FBXL17: variants seen among roughly 807,000 people sequenced by gnomAD.
FBXL17 encodes F-box/LRR-repeat protein 17.
In FBXL17, 22 loss-of-function variants were observed where a neutral mutation model predicts 66.2. The ratio of observed to expected loss-of-function variants is 0.33; its 90% confidence interval spans 0.24 to 0.47. The LOEUF (loss-of-function observed/expected upper bound fraction) is 0.47, where lower values mean the gene tolerates loss of function less well. Ranked by LOEUF, FBXL17 falls within the 20% of genes least tolerant of loss-of-function variation. The pLI, the probability that FBXL17 is intolerant of heterozygous loss-of-function variation, is 1.00. For synonymous variants in FBXL17, 474 were observed against 400.5 expected (o/e 1.18, Z -2.19); for missense variants, 878 against 948.2 (o/e 0.93, Z 0.97).
intron 5 of FBXL17, 35 bp from the exon 6 acceptor site, chr5:108,186,282 T>A (rs1178255351): frequency 6.3e-7 from 1 of 1,588,750 alleles, no homozygotes; most frequent in Non-Finnish European, 8.6e-7. Context: ...ATGAAAAAGG[T>A]AAATGCTACA....
chr5:108,081,957 G>C (rs904488571), intron 6 of FBXL17, among the ~76,000 whole-genome samples: 2 of 152,092 alleles, frequency 1.3e-5, no homozygotes, highest in African/African-American at 4.8e-5. Context: ...AGTTCATCAA[G>C]AAGGAAAGAG....
intron 4 of FBXL17, among the ~76,000 whole-genome samples, chr5:108,266,475 C>G (rs1225611155): frequency 6.6e-6 from 1 of 152,118 alleles, no homozygotes; most frequent in East Asian, 1.9e-4. Flanking sequence ...CAGTGGCTGG[C>G]TCAGTTATCA....
At position 108,039,736 on chromosome 5, in the gene FBXL17, C is replaced by A. The variant is rs149712148; in HGVS notation, c.1746-18735G>T. 2.5e-3 allele frequency among the ~76,000 whole-genome samples: 374 copies of A among 152,118 alleles called. 2 individuals carry two copies. The highest frequency in any genetic ancestry group is 7.5e-3 in the African/African-American group (312 of 41,516). ...GGGACAACAGCAAATTCACAGAAGG[C>A]TACCCAAATCCTGACCATTAAAGTA... On this transcript the variant is annotated intron_variant, in intron 6 of 8. Transcript: ENST00000542267.
intron 7 of FBXL17, among the ~76,000 whole-genome samples, chr5:107,936,390 A>G (rs1750909525): frequency 6.6e-6 from 1 of 152,000 alleles, no homozygotes; most frequent in Non-Finnish European, 1.5e-5. Flanking sequence ...TTACTGTTAA[A>G]TGGGGTCAAA....
At chr5:108,380,406 T>C (rs1749761817) in intron 1 of FBXL17, among the ~76,000 whole-genome samples, 2 of 152,214 alleles carry the variant, frequency 1.3e-5, no homozygotes, top group Non-Finnish European at 2.9e-5. Flanking sequence ...TTCCACAGAA[T>C]ACCTGCGAAG....
At chr5:108,370,262 A>C (rs532540620) in intron 1 of FBXL17, among the ~76,000 whole-genome samples, 3 of 152,320 alleles carry the variant, frequency 2.0e-5, no homozygotes. Context: ...GCTATTAGTC[A>C]AGGATTTGTT....
intron 7 of FBXL17, 25 bp downstream of exon 7, chr5:108,020,900 A>T: frequency 6.7e-7 from 1 of 1,502,850 alleles, no homozygotes; most frequent in Non-Finnish European, 9.3e-7. Context: ...CTTAGAAAGG[A>T]TTAGGAAAAT....
intron 7 of FBXL17, among the ~76,000 whole-genome samples, chr5:107,938,212 G>A (rs1446008816): frequency 3.3e-5 from 5 of 151,916 alleles, no homozygotes; most frequent in South Asian, 2.1e-4. Context: ...AATGTAAGCC[G>A]GATGAGTGTT....
At chr5:108,236,651 A>C (rs1755617210) in intron 4 of FBXL17, among the ~76,000 whole-genome samples, 1 of 152,234 alleles carries the variant, frequency 6.6e-6, no homozygotes, top group Non-Finnish European at 1.5e-5. Context: ...TTGAGACCTC[A>C]AGACCAATTC....
At chr5:108,121,017 A>C (rs1280586320) in intron 6 of FBXL17, among the ~76,000 whole-genome samples, 1 of 152,238 alleles carries the variant, frequency 6.6e-6, no homozygotes, top group African/African-American at 2.4e-5. Flanking sequence ...ATTTCTAAGT[A>C]AACAGGCTAT....
At chr5:108,212,883 G>A (rs541638564) in intron 5 of FBXL17, among the ~76,000 whole-genome samples, 1 of 152,220 alleles carries the variant, frequency 6.6e-6, no homozygotes, top group East Asian at 1.9e-4. Context: ...TGTCAGGCAG[G>A]AACATTTAAG....
At chr5:108,171,553 C>A (rs1287762306) in intron 6 of FBXL17, among the ~76,000 whole-genome samples, 1 of 152,158 alleles carries the variant, frequency 6.6e-6, no homozygotes, top group African/African-American at 2.4e-5. Flanking sequence ...ATATAAAATT[C>A]CCCACATAGG....
intron 5 of FBXL17, among the ~76,000 whole-genome samples, chr5:108,188,928 C>A (rs1753348018): frequency 6.6e-6 from 1 of 152,036 alleles, no homozygotes; most frequent in African/African-American, 2.4e-5. Context: ...ACTTTTCTGA[C>A]CTCACTAGAA....
chr5:108,378,627 G>A (rs1035336272), intron 1 of FBXL17, among the ~76,000 whole-genome samples: 41 of 152,112 alleles, frequency 2.7e-4, no homozygotes, highest in Admixed American at 1.3e-4. Context: ...GCTCTACCGT[G>A]GCTCCAACAG....
At chr5:108,344,217 C>T (rs1349418930) in intron 4 of FBXL17, among the ~76,000 whole-genome samples, 3 of 152,186 alleles carry the variant, frequency 2.0e-5, no homozygotes, top group Middle Eastern at 3.4e-3. Context: ...TTTGATCCTA[C>T]ATCATTCATG....
chr5:108,306,152 C>T (rs189904375), intron 4 of FBXL17, among the ~76,000 whole-genome samples: 50 of 152,068 alleles, frequency 3.3e-4, no homozygotes, highest in African/African-American at 1.0e-3. Flanking sequence ...AAATTTTATA[C>T]ATTTTCTTGA....
At chr5:108,022,923 G>A (rs1324086400) in intron 6 of FBXL17, among the ~76,000 whole-genome samples, 3 of 151,984 alleles carry the variant, frequency 2.0e-5, no homozygotes, top group Admixed American at 6.6e-5. Flanking sequence ...AGGTTTCCCC[G>A]CTATTCACAG....
At chr5:108,218,016 C>CTTTTTT (rs752575685) in intron 5 of FBXL17, among the ~76,000 whole-genome samples, 1 of 120,132 alleles carries the variant, frequency 8.3e-6, no homozygotes, top group Admixed American at 8.4e-5. Flanking sequence ...AATTTTTTTT[C>CTTTTTT]TTTTTTTTTT....
At chr5:108,282,773 T>TA (rs144591171) in intron 4 of FBXL17, among the ~76,000 whole-genome samples, 1 of 151,186 alleles carries the variant, frequency 6.6e-6, no homozygotes, top group Non-Finnish European at 1.5e-5. Context: ...AAGACTCTAT[T>TA]AAAAAAAACT....
Sources: gnomAD v4.1 joint callset for allele counts (sites outside exome capture counted in the v4.1 genomes callset) on GRCh38, gnomAD v4.1.1 for gene constraint, MANE v1.5 for transcripts, NCBI Gene and HGNC (gene_info 2026-07-23, HGNC 2026-07-21) for gene names.